Variants in KLHL4 observed in about 807,000 individuals in gnomAD.
KLHL4 encodes kelch-like protein 4.
Under a neutral mutation model 45.8 loss-of-function variants are expected in KLHL4, and 17 were observed. The observed-to-expected ratio is 0.37, with a 90% CI of 0.25 to 0.56. KLHL4 has a LOEUF of 0.56. KLHL4 is among the 20% of genes least tolerant of loss of function. KLHL4 has a pLI of 0.79. For missense variants in KLHL4, 544 were observed against 544.9 expected, an observed-to-expected ratio of 1.00 and a Z score of 0.02; for synonymous variants, 224 against 189.9, an observed-to-expected ratio of 1.18 and a Z score of -1.47.
intron 6 of KLHL4, among the ~76,000 whole-genome samples, chrX:87,626,631 G>A (rs1922936275): frequency 1.0e-5 from 1 of 98,878 alleles, no homozygotes; most frequent in South Asian, 4.9e-4. Flanking sequence ...TGGGCAAATT[G>A]TGAGGGATGT....
Position 87,601,985 on chromosome X carries a change from T to A in KLHL4, c.423-11892T>A, listed in dbSNP as rs958272019. On this transcript the variant is annotated intron_variant, in intron 1 of 10. Transcript: ENST00000373119. Reference sequence around the variant, plus strand: ...GACTCAGTTTAGATCTAGGCTAATATATGTTTTCATGTCTTCGTTTTTAAC... The same window carrying A: ...GACTCAGTTTAGATCTAGGCTAATAAATGTTTTCATGTCTTCGTTTTTAAC... Among the ~76,000 whole-genome samples, 6 of 110,271 alleles carry A rather than the reference T, an allele frequency of 5.4e-5. No homozygotes were observed. In the South Asian group the frequency reaches 2.3e-3, roughly 42 times the overall value.
At chrX:87,554,700 G>A (rs1490426795) in intron 1 of KLHL4, among the ~76,000 whole-genome samples, 2 of 107,672 alleles carry the variant, frequency 1.9e-5, no homozygotes, top group Non-Finnish European at 3.8e-5. Flanking sequence ...CTAATTGAAT[G>A]CCCTTTATTT....
chrX:87,552,577 T>G (rs1343916818), intron 1 of KLHL4, among the ~76,000 whole-genome samples: 1 of 110,890 alleles, frequency 9.0e-6, no homozygotes, highest in Non-Finnish European at 1.9e-5. Flanking sequence ...AAAGACGTTG[T>G]TATTCAAAAA....
chrX:87,649,364 C>A lies in KLHL4; in HGVS notation c.1925+13589C>A, dbSNP rs185609736. Among the ~76,000 whole-genome samples, 411 of 111,432 alleles carry A rather than the reference C, an allele frequency of 3.7e-3. 2 individuals are homozygous for A. Among genetic ancestry groups the A allele is most frequent in the African/African-American group, 0.013 (390 of 30,771 alleles). On this transcript the variant is annotated intron_variant, in intron 9 of 10. Transcript: ENST00000373119. ...AATAATATGTGTCAGAATTTCATTT[C>A]CTTTTTAAGGCTGAATATCATTATT...
intron 9 of KLHL4, among the ~76,000 whole-genome samples, chrX:87,642,667 G>A (rs1190638673): frequency 2.7e-5 from 3 of 111,989 alleles, no homozygotes; most frequent in African/African-American, 9.7e-5. Flanking sequence ...AGAAGTGAAG[G>A]GAGAAATGTT....
intron 1 of KLHL4, among the ~76,000 whole-genome samples, chrX:87,597,297 G>C (rs1205615231): frequency 9.0e-6 from 1 of 111,525 alleles, no homozygotes; most frequent in Non-Finnish European, 1.9e-5. Context: ...TTCCAGAACA[G>C]AAAGATTGTA....
chrX:87,531,670 T>C (rs139491208), intron 1 of KLHL4, among the ~76,000 whole-genome samples: 21,876 of 102,101 alleles, frequency 0.21, 2,781 homozygotes, highest in East Asian at 0.48. Context: ...AAATCACAGG[T>C]ATTCTTATAC....
At position 87,535,377 on chromosome X, in the gene KLHL4, G is replaced by A. The variant is rs752515988; in HGVS notation, c.422+17062G>A. Among the ~76,000 whole-genome samples, 18 of 111,812 alleles carry A rather than the reference G, an allele frequency of 1.6e-4. No homozygotes were observed. In the Admixed American group the frequency reaches 1.7e-3, roughly 11 times the overall value. On this transcript the variant is annotated intron_variant, in intron 1 of 10. Coordinates refer to ENST00000373119, the MANE Select transcript of KLHL4 (RefSeq NM_019117.5). Reference sequence around the variant, plus strand: ...AAGATACTAGAAAGTGCTTAGATTAGGCTGATCACAAAATTATTTGGAGTT... The same window carrying A: ...AAGATACTAGAAAGTGCTTAGATTAAGCTGATCACAAAATTATTTGGAGTT...
intron 1 of KLHL4, among the ~76,000 whole-genome samples, chrX:87,562,473 G>A (rs1221218333): frequency 9.1e-6 from 1 of 109,554 alleles, no homozygotes; most frequent in Non-Finnish European, 1.9e-5. Context: ...TGGCTGCCAG[G>A]TAGTAGTATC....
At chrX:87,548,637 A>G (rs750720474) in intron 1 of KLHL4, among the ~76,000 whole-genome samples, 25 of 110,914 alleles carry the variant, frequency 2.3e-4, no homozygotes, top group African/African-American at 7.2e-4. Context: ...GGATGAAGTT[A>G]AGGTGGGTTT....
chrX:87,639,863 A>AAAC (rs199628281), intron 9 of KLHL4, among the ~76,000 whole-genome samples: 1 of 100,492 alleles, frequency 1.0e-5, no homozygotes, highest in Admixed American at 1.0e-4. Flanking sequence ...AATGAAATTG[A>AAAC]AACAACAACA....
At chrX:87,631,512 A>T (rs1923094673) in intron 6 of KLHL4, among the ~76,000 whole-genome samples, 1 of 111,533 alleles carries the variant, frequency 9.0e-6, no homozygotes, top group African/African-American at 3.3e-5. Context: ...AGGCCCATTT[A>T]ACATTTTTTG....
At chrX:87,621,523 T>TA (rs35849326) in intron 4 of KLHL4, among the ~76,000 whole-genome samples, 3,013 of 100,198 alleles carry the variant, frequency 0.03, 89 homozygotes, top group Admixed American at 0.095. Flanking sequence ...TTCACTCTAC[T>TA]AAAAAAAAAA....
At chrX:87,623,274 A>C (rs866647385) in intron 5 of KLHL4, among the ~76,000 whole-genome samples, 3 of 82,530 alleles carry the variant, frequency 3.6e-5, no homozygotes, top group South Asian at 6.4e-4. Context: ...TCTGTTGATG[A>C]TTTTTCCTTT....
rs779203831 is a variant in KLHL4, at chrX:87,667,927, C to T, written c.*1393C>T. ...AACTGAATTTAAATAAACTTTATTT[C>T]CTCTCACTATAGTGTGGCTTTAGAA... On this transcript the variant is annotated 3_prime_UTR_variant, in exon 11 of 11. Coordinates refer to ENST00000373119, the MANE Select transcript of KLHL4 (RefSeq NM_019117.5). 1.5e-6 allele frequency: 1 copy of T among 685,575 alleles called. No individual in the cohort carries two copies. Among genetic ancestry groups the T allele is most frequent in the African/African-American group, 2.4e-5 (1 of 42,117 alleles). 56.5% of individuals were successfully genotyped at this position (685,575 alleles called of 1,213,427 possible).
At chrX:87,643,741 T>G (rs1455656679) in intron 9 of KLHL4, among the ~76,000 whole-genome samples, 1 of 112,016 alleles carries the variant, frequency 8.9e-6, no homozygotes, top group African/African-American at 3.2e-5. Context: ...ATGCAGTGAT[T>G]GTTTAACATC....
chrX:87,654,368 C>T (rs1602467187), intron 9 of KLHL4, among the ~76,000 whole-genome samples: 1 of 111,397 alleles, frequency 9.0e-6, no homozygotes, highest in East Asian at 2.8e-4. Context: ...CATTATTTAC[C>T]TCCCACTTAT....
At chrX:87,622,187 T>C (rs951909702) in intron 4 of KLHL4, 24 bp from the exon 5 acceptor site, 44 of 1,081,413 alleles carry the variant, frequency 4.1e-5, no homozygotes, top group Non-Finnish European at 5.4e-5. Context: ...TGCAAAGTTT[T>C]AGTAGATGAC....
At chrX:87,522,412 A>G (rs1418467037) in intron 1 of KLHL4, among the ~76,000 whole-genome samples, 2 of 112,219 alleles carry the variant, frequency 1.8e-5, no homozygotes. Context: ...AGCACTTTAC[A>G]TATATTTTCT....
Sources: gnomAD v4.1 joint callset for allele counts (sites outside exome capture counted in the v4.1 genomes callset) on GRCh38, gnomAD v4.1.1 for gene constraint, MANE v1.5 for transcripts, NCBI Gene and HGNC (gene_info 2026-07-23, HGNC 2026-07-21) for gene names.